METAP1: variants seen among roughly 807,000 people sequenced by gnomAD.
METAP1 encodes the protein methionyl aminopeptidase 1, also known as methionine aminopeptidase 1.
In METAP1, 28 loss-of-function variants were observed where a neutral mutation model predicts 53.8. That is an observed-to-expected ratio of 0.52 (90% CI 0.39 to 0.71). The LOEUF is 0.71. METAP1 is among the 30% of genes least tolerant of loss of function. METAP1 has a pLI of 0.00. For missense variants in METAP1, 389 were observed against 479.8 expected, an observed-to-expected ratio of 0.81 and a Z score of 1.77; for synonymous variants, 181 against 165.7, an observed-to-expected ratio of 1.09 and a Z score of -0.71.
intron 6 of METAP1, among the ~76,000 whole-genome samples, chr4:99,042,874 G>T (rs1030624565): frequency 6.6e-6 from 1 of 151,994 alleles, no homozygotes; most frequent in African/African-American, 2.4e-5. Flanking sequence ...TACGTAACTG[G>T]TTAAGTGTCT....
intron 1 of METAP1, among the ~76,000 whole-genome samples, chr4:98,999,453 A>G (rs1722815189): frequency 6.8e-6 from 1 of 147,102 alleles, no homozygotes; most frequent in Non-Finnish European, 1.5e-5. Context: ...AGCTCTTTTT[A>G]TTGTTATACT....
intron 2 of METAP1, among the ~76,000 whole-genome samples, chr4:99,030,805 G>A (rs1234599771): frequency 6.7e-6 from 1 of 149,400 alleles, no homozygotes; most frequent in African/African-American, 2.5e-5. Context: ...TAAGTATAGT[G>A]TCTACTGATC....
intron 1 of METAP1, among the ~76,000 whole-genome samples, chr4:99,011,295 T>C (rs1001505969): frequency 1.3e-5 from 2 of 152,172 alleles, no homozygotes; most frequent in African/African-American, 4.8e-5. Flanking sequence ...GTTATGGGCG[T>C]CTTATATATG....
chr4:99,027,546 C>CA (rs1724652316), intron 1 of METAP1, among the ~76,000 whole-genome samples: 1 of 82,490 alleles, frequency 1.2e-5, no homozygotes, highest in Admixed American at 1.4e-4. Context: ...AAGAGGTCAC[C>CA]CCCCCCCCGC....
At chr4:99,029,175 A>G (rs1489329554) in intron 2 of METAP1, among the ~76,000 whole-genome samples, 1 of 152,156 alleles carries the variant, frequency 6.6e-6, no homozygotes, top group Non-Finnish European at 1.5e-5. Flanking sequence ...CTTGAGCCAT[A>G]CCTGATGATG....
intron 1 of METAP1, among the ~76,000 whole-genome samples, chr4:99,013,351 A>C (rs1450921894): frequency 4.6e-5 from 7 of 152,212 alleles, no homozygotes; most frequent in Admixed American, 1.3e-4. Context: ...AGATGCTAAT[A>C]CCACCCTCAC....
intron 1 of METAP1, among the ~76,000 whole-genome samples, chr4:99,024,216 C>G (rs1040005713): frequency 1.3e-5 from 2 of 152,134 alleles, no homozygotes; most frequent in African/African-American, 2.4e-5. Context: ...TCACGTACCC[C>G]CTGCTTGCTC....
At chr4:99,042,568 G>A (rs1725954051) in intron 6 of METAP1, among the ~76,000 whole-genome samples, 1 of 151,986 alleles carries the variant, frequency 6.6e-6, no homozygotes, top group Non-Finnish European at 1.5e-5. Flanking sequence ...ATATCTGGAA[G>A]TACTTTACCG....
intron 1 of METAP1, among the ~76,000 whole-genome samples, chr4:98,996,403 G>A (rs965814472): frequency 6.6e-6 from 1 of 152,256 alleles, no homozygotes; most frequent in Non-Finnish European, 1.5e-5. Context: ...CGTCGGAGTC[G>A]CAGAGAGGAG....
At chr4:99,015,069 G>A (rs76673879) in intron 1 of METAP1, among the ~76,000 whole-genome samples, 9,492 of 152,178 alleles carry the variant, frequency 0.062, 1,027 homozygotes, top group African/African-American at 0.22. Flanking sequence ...CAAATCCGTC[G>A]CATGTGAAGA....
chr4:99,041,216 T>C, intron 6 of METAP1, 90 bp downstream of exon 6: 1 of 878,222 alleles, frequency 1.1e-6, no homozygotes, highest in Non-Finnish European at 1.7e-6. Flanking sequence ...GTTCTGAGTG[T>C]CTAAGGTAAC....
At chr4:99,032,760 A>T (rs1249096609) in intron 2 of METAP1, among the ~76,000 whole-genome samples, 1 of 152,204 alleles carries the variant, frequency 6.6e-6, no homozygotes, top group Admixed American at 6.5e-5. Context: ...AAGCAGGCTC[A>T]GTTGGCCCCC....
chr4:99,005,772 C>T (rs1270415895), intron 1 of METAP1: 3 of 430,904 alleles, frequency 7.0e-6, no homozygotes, highest in Non-Finnish European at 1.4e-5. Context: ...TTTGCAGCAA[C>T]GTGGAAGGAA....
chr4:99,034,235 G>A lies in METAP1; in HGVS notation c.172G>A (p.Glu58Lys). Residue 58 changes from glutamate to lysine, a missense_variant, in exon 3 of 11, where the codon GAA becomes AAA. Coordinates refer to ENST00000296411, the MANE Select transcript of METAP1 (RefSeq NM_015143.3). Reference protein sequence around the residue: ...HKLLHKKAKDEKAKREVSSWT... With the variant: ...HKLLHKKAKDKKAKREVSSWT... ...TCTATTCCTCCGTCTCCCAGAAGAT[G>A]AAAAGGCGAAGCGAGAAGTGTCTTC... 1 of 1,545,370 alleles carries A rather than the reference G, an allele frequency of 6.5e-7. No homozygotes were observed. The highest frequency in any genetic ancestry group is 8.8e-7 in the Non-Finnish European group (1 of 1,141,334).
At chr4:98,998,729 C>T (rs535987539) in intron 1 of METAP1, among the ~76,000 whole-genome samples, 1 of 152,242 alleles carries the variant, frequency 6.6e-6, no homozygotes, top group South Asian at 2.1e-4. Flanking sequence ...AAGGCATTCC[C>T]AGTTACTCTG....
At chr4:99,026,163 A>G (rs1724545033) in intron 1 of METAP1, 3 of 910,414 alleles carry the variant, frequency 3.3e-6, no homozygotes, top group African/African-American at 3.6e-5. Flanking sequence ...TAAACTTTCT[A>G]AAGTGACTGA....
intron 1 of METAP1, chr4:99,025,479 C>T (rs1724495209): frequency 1.0e-6 from 1 of 978,582 alleles, no homozygotes; most frequent in South Asian, 4.7e-5. Flanking sequence ...AGCAAATTCC[C>T]AGAGATTCTG....
At chr4:99,041,159 T>C in intron 6 of METAP1, 33 bp downstream of exon 6, 1 of 1,408,230 alleles carries the variant, frequency 7.1e-7, no homozygotes, top group Non-Finnish European at 9.9e-7. Context: ...TTGAGTAATT[T>C]TGTTACATTA....
At chr4:99,049,635 G>A (rs1726541500) in intron 9 of METAP1, among the ~76,000 whole-genome samples, 1 of 152,130 alleles carries the variant, frequency 6.6e-6, no homozygotes, top group African/African-American at 2.4e-5. Flanking sequence ...GTTATTTAAT[G>A]TCAGAAATGA....
Sources: allele counts gnomAD v4.1 joint callset (sites outside exome capture counted in the v4.1 genomes callset), GRCh38; gene constraint gnomAD v4.1.1; transcripts MANE v1.5; gene names NCBI Gene and HGNC (gene_info 2026-07-23, HGNC 2026-07-21).